SKAP2: variants seen among roughly 807,000 people sequenced by gnomAD.
SKAP2 encodes src kinase associated phosphoprotein 2.
In SKAP2, 28 loss-of-function variants were observed where a neutral mutation model predicts 54.9. That is an observed-to-expected ratio of 0.51 (90% CI 0.38 to 0.70). SKAP2 has a LOEUF of 0.70. SKAP2 is among the 30% of genes least tolerant of loss of function. The pLI is 0.00. For missense variants in SKAP2, 356 were observed against 424.1 expected (o/e 0.84, Z 1.41); for synonymous variants, 137 against 134.3 (o/e 1.02, Z -0.14).
At chr7:26,848,389 A>C (rs983681671) in intron 3 of SKAP2, among the ~76,000 whole-genome samples, 1 of 152,222 alleles carries the variant, frequency 6.6e-6, no homozygotes, top group Non-Finnish European at 1.5e-5. Flanking sequence ...ACACAAATGG[A>C]AAATTCCATG....
chr7:26,825,008 C>T (rs981071598), intron 4 of SKAP2, among the ~76,000 whole-genome samples: 1 of 152,068 alleles, frequency 6.6e-6, no homozygotes, highest in Non-Finnish European at 1.5e-5. Context: ...CTTTTTAAAG[C>T]CCCCTTGAAA....
intron 9 of SKAP2, among the ~76,000 whole-genome samples, chr7:26,725,083 G>T (rs551379277): frequency 4.6e-5 from 7 of 152,110 alleles, no homozygotes; most frequent in Non-Finnish European, 8.8e-5. Context: ...AAAACGATGT[G>T]TGAGTTGGTG....
At chr7:26,807,476 T>C (rs915321243) in intron 4 of SKAP2, among the ~76,000 whole-genome samples, 1 of 152,224 alleles carries the variant, frequency 6.6e-6, no homozygotes, top group Non-Finnish European at 1.5e-5. Flanking sequence ...AAGCTGCTTG[T>C]GTCTCTTTAA....
At chr7:26,808,445 T>A (rs747311629) in intron 4 of SKAP2, among the ~76,000 whole-genome samples, 7 of 151,728 alleles carry the variant, frequency 4.6e-5, no homozygotes, top group Non-Finnish European at 7.4e-5. Context: ...AGAATAGAGG[T>A]TGTGGGAGCA....
At chr7:26,834,412 GTTT>G (rs1442100224) in intron 4 of SKAP2, among the ~76,000 whole-genome samples, 3 of 151,980 alleles carry the variant, frequency 2.0e-5, no homozygotes, top group Non-Finnish European at 4.4e-5. Flanking sequence ...AGGAGCTGGT[GTTT>G]TGAAAAGATC....
At chr7:26,863,143 T>C (rs769876642) in intron 1 of SKAP2, among the ~76,000 whole-genome samples, 2 of 152,172 alleles carry the variant, frequency 1.3e-5, no homozygotes, top group African/African-American at 4.8e-5. Flanking sequence ...ACCATAATCA[T>C]ACAAACATAA....
chr7:26,682,737 C>G (rs766816548), intron 11 of SKAP2, among the ~76,000 whole-genome samples: 1 of 152,120 alleles, frequency 6.6e-6, no homozygotes, highest in African/African-American at 2.4e-5. Flanking sequence ...TATGTGCTTC[C>G]CATGGGCTGG....
rs147321502 is a variant in SKAP2 at position 26,818,617 on chromosome 7, C to T, written c.307+25413G>A. Among the ~76,000 whole-genome samples, 160 of 152,250 alleles carry T rather than the reference C, an allele frequency of 1.1e-3. 2 individuals carry two copies. The East Asian group carries it at 0.022, about 21-fold the overall frequency. On this transcript the variant is annotated intron_variant, in intron 4 of 12. Transcript: ENST00000345317. ...AAGAGCTTCTGGACAGCAGAAGAAA[C>T]TGTCATCAGAGTGAACAGGCAACCT...
At chr7:26,766,436 C>T (rs1422041160) in intron 4 of SKAP2, among the ~76,000 whole-genome samples, 1 of 152,150 alleles carries the variant, frequency 6.6e-6, no homozygotes, top group African/African-American at 2.4e-5. Context: ...ATTTTACTTC[C>T]TCTCTTCCTA....
intron 4 of SKAP2, among the ~76,000 whole-genome samples, chr7:26,842,925 C>G (rs150585175): frequency 6.6e-6 from 1 of 151,546 alleles, no homozygotes; most frequent in African/African-American, 2.4e-5. Context: ...AAATGTTTGC[C>G]GAAGCATAAA....
the SKAP2 span, among the ~76,000 whole-genome samples, chr7:26,658,518 C>G: frequency 1.3e-5 from 2 of 151,850 alleles, no homozygotes; most frequent in Non-Finnish European, 2.9e-5. Flanking sequence ...GAGCATTTTT[C>G]AGATTTTTTT....
At position 26,717,509 on chromosome 7, in the gene SKAP2, CAAAAAAAAAAAAAAA is replaced by C. The variant is rs58826714; in HGVS notation, c.796+7904_796+7918del. On this transcript the variant is annotated intron_variant, in intron 9 of 12. Transcript: ENST00000345317. The stretch of plus-strand genomic sequence containing the variant: ...TGGGTGACAGAGCAAGACCCCATCT[CAAAAAAAAAAAAAAA>C]AAAAAAAAAAAAAAAAAAGGGCCAG... 2.0e-3 allele frequency among the ~76,000 whole-genome samples: 47 copies of C among 23,136 alleles called. No individual in the cohort carries two copies. In the East Asian group the frequency reaches 0.027, roughly 13 times the overall value. 15.2% of individuals were successfully genotyped at this position (23,136 alleles called of 152,430 possible).
At chr7:26,767,514 A>G (rs1258359000) in intron 4 of SKAP2, among the ~76,000 whole-genome samples, 1 of 151,120 alleles carries the variant, frequency 6.6e-6, no homozygotes, top group African/African-American at 2.4e-5. Flanking sequence ...TAGCTTTTGA[A>G]TTTGTTCTTG....
intron 4 of SKAP2, among the ~76,000 whole-genome samples, chr7:26,771,755 C>T (rs1024868737): frequency 2.6e-5 from 4 of 151,968 alleles, no homozygotes; most frequent in Admixed American, 1.3e-4. Flanking sequence ...GTGTATAAAG[C>T]AAAAATCAAT....
intron 4 of SKAP2, among the ~76,000 whole-genome samples, chr7:26,757,585 T>C (rs886411299): frequency 6.6e-6 from 1 of 152,202 alleles, no homozygotes. Context: ...AGCCTTGTAG[T>C]ATAGTTTGAA....
chr7:26,764,646 C>G (rs980362071), intron 4 of SKAP2, among the ~76,000 whole-genome samples: 1 of 151,000 alleles, frequency 6.6e-6, no homozygotes, highest in African/African-American at 2.4e-5. Context: ...ACAGAATGTG[C>G]AGGTTTGTTA....
At chr7:26,704,332 G>A (rs1029475313) in intron 9 of SKAP2, among the ~76,000 whole-genome samples, 1 of 152,146 alleles carries the variant, frequency 6.6e-6, no homozygotes, top group Non-Finnish European at 1.5e-5. Flanking sequence ...ACAGAGTTAG[G>A]CTAAGCCCTG....
At chr7:26,797,861 C>T (rs1367322410) in intron 4 of SKAP2, among the ~76,000 whole-genome samples, 2 of 151,704 alleles carry the variant, frequency 1.3e-5, no homozygotes, top group East Asian at 2.0e-4. Flanking sequence ...AGCAGAAGTT[C>T]TGGAGCTGAA....
intron 9 of SKAP2, among the ~76,000 whole-genome samples, chr7:26,704,535 T>A (rs1187975398): frequency 2.6e-5 from 4 of 152,184 alleles, no homozygotes; most frequent in Non-Finnish European, 2.9e-5. Flanking sequence ...TACCTATGAG[T>A]GGCTGTGCAC....
Sources: gnomAD v4.1 joint callset for allele counts (sites outside exome capture counted in the v4.1 genomes callset) on GRCh38, gnomAD v4.1.1 for gene constraint, MANE v1.5 for transcripts, NCBI Gene and HGNC (gene_info 2026-07-23, HGNC 2026-07-21) for gene names.